The following LGSN variants were observed in gnomAD, a reference collection of about 807,000 sequenced individuals.
The protein encoded by LGSN is lengsin.
LGSN carries 21 observed loss-of-function variants against 19.5 expected under a neutral mutation model. That is an observed-to-expected ratio of 1.07 (90% CI 0.76 to 1.55). The LOEUF (loss-of-function observed/expected upper bound fraction) is 1.55, where lower values mean the gene tolerates loss of function less well. Among genes scored for constraint, LGSN ranks in the 40% most tolerant of loss-of-function variants. The pLI is 0.00. For missense variants in LGSN, 673 were observed against 608.5 expected (o/e 1.11, Z -1.12); for synonymous variants, 257 against 215.6 (o/e 1.19, Z -1.68).
At chr6:63,460,100 C>CTTT in the LGSN span, among the ~76,000 whole-genome samples, 150 of 56,134 alleles carry the variant, frequency 2.7e-3, 4 homozygotes, top group Non-Finnish European at 3.2e-3. Flanking sequence ...ATTTCATTCC[C>CTTT]TTTTTTTTTT....
At chr6:63,293,836 C>G (rs1767868269) in intron 2 of LGSN, 1 of 453,146 alleles carries the variant, frequency 2.2e-6, no homozygotes, top group Non-Finnish European at 4.4e-6. Context: ...TTGTGGCACA[C>G]CATTTGGTTT....
the LGSN span, among the ~76,000 whole-genome samples, chr6:63,364,258 A>G: frequency 6.9e-6 from 1 of 145,684 alleles, no homozygotes; most frequent in Admixed American, 6.6e-5. Context: ...CGGAAAACAA[A>G]CAAACAAAAA....
chr6:63,326,512 T>A, the LGSN span, among the ~76,000 whole-genome samples: 9 of 152,240 alleles, frequency 5.9e-5, no homozygotes, highest in South Asian at 1.7e-3. Flanking sequence ...TGGCGCTTGT[T>A]GAGGAGGCTT....
At chr6:63,325,382 T>A in the LGSN span, among the ~76,000 whole-genome samples, 1 of 151,948 alleles carries the variant, frequency 6.6e-6, no homozygotes. Flanking sequence ...AAGATCCAAA[T>A]AAGCAAAATT....
At chr6:63,358,822 A>C in the LGSN span, among the ~76,000 whole-genome samples, 9 of 151,908 alleles carry the variant, frequency 5.9e-5, no homozygotes, top group South Asian at 2.1e-4. Context: ...AATACCCTTT[A>C]TTTTTTTCTC....
chr6:63,315,738 G>A (rs533510982), intron 1 of LGSN, among the ~76,000 whole-genome samples: 1 of 150,850 alleles, frequency 6.6e-6, no homozygotes, highest in East Asian at 1.9e-4. Flanking sequence ...GATAAATGCA[G>A]CAACTTGACT....
the LGSN span, among the ~76,000 whole-genome samples, chr6:63,489,634 T>C: frequency 6.6e-6 from 1 of 152,228 alleles, no homozygotes; most frequent in Non-Finnish European, 1.5e-5. Flanking sequence ...CCTCCCAAAG[T>C]GCTGGGATGG....
chr6:63,367,283 C>T, the LGSN span, among the ~76,000 whole-genome samples: 1 of 152,142 alleles, frequency 6.6e-6, no homozygotes, highest in South Asian at 2.1e-4. Context: ...GGGTGAAGGA[C>T]ATGAACAGAC....
chr6:63,362,007 T>C, the LGSN span, among the ~76,000 whole-genome samples: 1 of 152,166 alleles, frequency 6.6e-6, no homozygotes, highest in Middle Eastern at 3.2e-3. Flanking sequence ...ACTATTTGTG[T>C]TGACAGAGTT....
At chr6:63,433,340 A>G in the LGSN span, among the ~76,000 whole-genome samples, 1 of 152,198 alleles carries the variant, frequency 6.6e-6, no homozygotes, top group Non-Finnish European at 1.5e-5. Flanking sequence ...TCTTATAGCT[A>G]TACTATGTTA....
chr6:63,319,042 A>T (rs1229459899), intron 1 of LGSN, among the ~76,000 whole-genome samples: 2 of 152,170 alleles, frequency 1.3e-5, no homozygotes, highest in Non-Finnish European at 2.9e-5. Context: ...TTCTTCACAT[A>T]GCCTTGCCCA....
At chr6:63,501,252 C>G in the LGSN span, among the ~76,000 whole-genome samples, 1 of 151,440 alleles carries the variant, frequency 6.6e-6, no homozygotes, top group East Asian at 2.0e-4. Flanking sequence ...GTCCCAGCTA[C>G]TGGGGATGTT....
chr6:63,475,353 A>G, the LGSN span, among the ~76,000 whole-genome samples: 1 of 149,360 alleles, frequency 6.7e-6, no homozygotes. Flanking sequence ...ATTGCCCTCT[A>G]TTACCACCCA....
At chr6:63,327,243 C>T in the LGSN span, among the ~76,000 whole-genome samples, 1 of 152,118 alleles carries the variant, frequency 6.6e-6, no homozygotes, top group African/African-American at 2.4e-5. Context: ...CCATCTGTAG[C>T]TTGATGGCCT....
chr6:63,405,945 G>A, the LGSN span, among the ~76,000 whole-genome samples: 3 of 152,096 alleles, frequency 2.0e-5, no homozygotes, highest in Admixed American at 1.3e-4. Flanking sequence ...ATTACATAAT[G>A]GTAAAGGGAT....
the LGSN span, among the ~76,000 whole-genome samples, chr6:63,408,785 A>T: frequency 6.6e-6 from 1 of 152,136 alleles, no homozygotes; most frequent in African/African-American, 2.4e-5. Flanking sequence ...TACTTATCTG[A>T]CAAAGGGCTA....
At chr6:63,344,192 G>C in the LGSN span, among the ~76,000 whole-genome samples, 1 of 152,144 alleles carries the variant, frequency 6.6e-6, no homozygotes, top group Non-Finnish European at 1.5e-5. Flanking sequence ...CCCTAAATTA[G>C]TGGTAAACTT....
the LGSN span, among the ~76,000 whole-genome samples, chr6:63,440,292 G>T: frequency 0.015 from 2,235 of 152,238 alleles, 44 homozygotes; most frequent in African/African-American, 0.051. Flanking sequence ...GTGGAGCCTC[G>T]CGAAGTTCAG....
intron 2 of LGSN, among the ~76,000 whole-genome samples, chr6:63,294,520 A>G (rs2127387857): frequency 6.6e-6 from 1 of 152,150 alleles, no homozygotes; most frequent in East Asian, 1.9e-4. Flanking sequence ...CATCTGTTGA[A>G]ATCTAGTTGG....
Sources: allele counts gnomAD v4.1 joint callset (sites outside exome capture counted in the v4.1 genomes callset), GRCh38; gene constraint gnomAD v4.1.1; transcripts MANE v1.5; gene names NCBI Gene and HGNC (gene_info 2026-07-23, HGNC 2026-07-21).